The following SCEL variants were observed in gnomAD, a reference collection of about 807,000 sequenced individuals.
The protein encoded by SCEL is sciellin.
In SCEL, 113 loss-of-function variants were observed where a neutral mutation model predicts 117.6. That is an observed-to-expected ratio of 0.96 (90% CI 0.83 to 1.12). The LOEUF is 1.12. Among genes scored for constraint, SCEL ranks in the 50% most tolerant of loss-of-function variants. The pLI is 0.00. For missense variants in SCEL, 785 were observed against 810.8 expected (o/e 0.97, Z 0.39); for synonymous variants, 270 against 256.2 (o/e 1.05, Z -0.51).
intron 4 of SCEL, among the ~76,000 whole-genome samples, chr13:77,560,437 TCAAA>T (rs923259278): frequency 2.0e-5 from 3 of 151,922 alleles, no homozygotes; most frequent in African/African-American, 7.3e-5. Flanking sequence ...ACCCTGTTTC[TCAAA>T]CAAACAAACA....
At position 77,599,690 on chromosome 13, in the gene SCEL, G is replaced by A. The variant is rs2087512111; in HGVS notation, c.859G>A (p.Ala287Thr). Residue 287 changes from alanine (A) to threonine (T), a missense_variant and splice_region_variant, in exon 15 of 33, where the codon GCC (alanine) becomes ACC (threonine). Ala to Thr is a moderately conservative substitution (Grantham distance 58). Coordinates refer to ENST00000349847, the MANE Select transcript of SCEL (RefSeq NM_144777.3). ...NPKVEEREKR[A>T]KSLESLIYMS... ...ATGTGAATTTCTTTGTGTTTTCAGA[G>A]CCAAAAGCCTTGAAAGTCTCATCTA... The A allele has an allele frequency of 6.2e-7, 1 of 1,609,712 alleles. No homozygotes were observed. The highest frequency in any genetic ancestry group is 8.5e-7 in the Non-Finnish European group (1 of 1,176,006).
At chr13:77,610,132 C>A (rs761009482) in intron 22 of SCEL, 26 bp downstream of exon 22, 2 of 1,547,602 alleles carry the variant, frequency 1.3e-6, no homozygotes, top group Admixed American at 1.8e-5. Context: ...CTCTCTATTT[C>A]TCCCCCCTTT....
intron 12 of SCEL, among the ~76,000 whole-genome samples, chr13:77,596,042 C>T (rs1168483215): frequency 2.0e-5 from 3 of 152,106 alleles, no homozygotes; most frequent in Non-Finnish European, 4.4e-5. Flanking sequence ...GTATAGCAAG[C>T]ATTTACTAGG....
In SCEL at chr13:77,633,442, C is replaced by CAAAAAAA. The variant is rs59939208; in HGVS notation, c.1692-919_1692-913dup. Among the ~76,000 whole-genome samples the CAAAAAAA allele has an allele frequency of 1.7e-3, 52 of 30,012 alleles. 4 individuals carry two copies. The highest frequency in any genetic ancestry group is 4.1e-3 in the African/African-American group (42 of 10,264). 19.7% of individuals were successfully genotyped at this position (30,012 alleles called of 152,430 possible). A position where few individuals can be genotyped will look rare whatever the true frequency, so the allele number is the denominator to read the frequency against. On this transcript the variant is annotated intron_variant, in intron 28 of 32. Transcript: ENST00000349847. ...TGGGCGACAGAGCGAGACTCCGCCTCAAAAAAAAAAAAAAAAAAAAAAAAG... is the reference window on the plus strand; with the variant it reads ...TGGGCGACAGAGCGAGACTCCGCCTCAAAAAAAAAAAAAAAAAAAAAAAAAAAAAAAG...
chr13:77,601,990 G>T, intron 15 of SCEL, 75 bp from the exon 16 acceptor site: 1 of 1,146,438 alleles, frequency 8.7e-7, no homozygotes, highest in South Asian at 1.5e-5. Flanking sequence ...TTGTCATTAC[G>T]AGAGTCTGAA....
At position 77,599,551 on chromosome 13, in the gene SCEL, A is replaced by G. The variant is rs992087913; in HGVS notation, c.858-138A>G. 3 of 876,212 alleles carry G rather than the reference A, an allele frequency of 3.4e-6. No individual in the cohort carries two copies. The African/African-American group carries it at 5.0e-5, about 15-fold the overall frequency. 54.3% of individuals were successfully genotyped at this position (876,212 alleles called of 1,614,324 possible). ...ACATTTAGTTCAGACATAATTACCCAGAAGGATTTCTGCTCTTCCATTCAA... is the reference window on the plus strand; with the variant it reads ...ACATTTAGTTCAGACATAATTACCCGGAAGGATTTCTGCTCTTCCATTCAA... On this transcript the variant is annotated intron_variant, in intron 14 of 32. Transcript: ENST00000349847.
chr13:77,632,472 C>T (rs984699958), intron 28 of SCEL, among the ~76,000 whole-genome samples: 2 of 152,086 alleles, frequency 1.3e-5, no homozygotes, highest in African/African-American at 4.8e-5. Flanking sequence ...ATATTAATTC[C>T]ACCTTCTCAT....
At chr13:77,541,757 G>A (rs1234516399) in intron 1 of SCEL, among the ~76,000 whole-genome samples, 1 of 151,860 alleles carries the variant, frequency 6.6e-6, no homozygotes, top group African/African-American at 2.4e-5. Context: ...TTTTATATAT[G>A]CTTTCTTGTA....
chr13:77,554,677 C>T (rs531927143), intron 1 of SCEL, among the ~76,000 whole-genome samples: 6 of 152,232 alleles, frequency 3.9e-5, no homozygotes, highest in South Asian at 2.1e-4. Context: ...ATTTGATCAT[C>T]GCAGCAACTT....
chr13:77,602,376 A>G, intron 16 of SCEL: 1 of 488,306 alleles, frequency 2.0e-6, no homozygotes, highest in Non-Finnish European at 3.6e-6. Flanking sequence ...TAATTAAGAG[A>G]TGAGTCAAAT....
chr13:77,636,488 C>T lies in SCEL; in HGVS notation c.1764-632C>T, dbSNP rs2090283714. Among the ~76,000 whole-genome samples the T allele has an allele frequency of 2.0e-5, 3 of 152,206 alleles. No individual in the cohort carries two copies. The South Asian group carries it at 6.2e-4, about 32-fold the overall frequency. ...ATATTGCTCCTATTCTTAATATATGCCCAGATAGCATAAGTACTTGGAAAG... is the reference window on the plus strand; with the variant it reads ...ATATTGCTCCTATTCTTAATATATGTCCAGATAGCATAAGTACTTGGAAAG... On this transcript the variant is annotated intron_variant, in intron 29 of 32. Transcript: ENST00000349847.
At chr13:77,617,962 C>A (rs781422690) in intron 26 of SCEL, 42 bp from the exon 27 acceptor site, 34 of 1,599,658 alleles carry the variant, frequency 2.1e-5, no homozygotes, top group Non-Finnish European at 2.8e-5. Flanking sequence ...ACCCCAAAAT[C>A]TATTACCAAT....
At chr13:77,584,014 T>C (rs994492669) in intron 9 of SCEL, among the ~76,000 whole-genome samples, 3 of 152,236 alleles carry the variant, frequency 2.0e-5, no homozygotes, top group Non-Finnish European at 2.9e-5. Flanking sequence ...AAGCTCATCA[T>C]GATAGCCACT....
At chr13:77,591,588 T>C (rs1353168127) in intron 11 of SCEL, 128 bp downstream of exon 11, 2 of 602,060 alleles carry the variant, frequency 3.3e-6, no homozygotes, top group East Asian at 3.0e-5. Flanking sequence ...GACTCCAAAA[T>C]ATTAATAAAT....
rs1332959834 is a variant in SCEL at position 77,602,655 on chromosome 13, A to C, written c.979A>C (p.Arg327=). The change falls in exon 17 of 33, where the codon AGA becomes CGA. Residue 327 remains arginine (R), a splice_region_variant and synonymous_variant. Transcript: ENST00000349847. ...NQRTDKNEKG[R]QNLESVAKVN... ...CAAGTTTTGGTGTTTTTTCCAAAGA[A>C]GACAAAATCTCGAATCTGTTGCTAA... 2.3e-5 allele frequency: 37 copies of C among 1,613,526 alleles called. No individual in the cohort carries two copies. Among genetic ancestry groups the C allele is most frequent in the Non-Finnish European group, 3.1e-5 (36 of 1,179,694 alleles).
intron 24 of SCEL, among the ~76,000 whole-genome samples, chr13:77,616,586 T>C (rs932310658): frequency 6.6e-6 from 1 of 151,966 alleles, no homozygotes; most frequent in East Asian, 1.9e-4. Context: ...CCATAGACTA[T>C]GGAGAGGTGA....
Position 77,571,304 on chromosome 13 carries a change from G to A in SCEL, c.480-820G>A, listed in dbSNP as rs186212616. 5.6e-3 allele frequency among the ~76,000 whole-genome samples: 845 copies of A among 150,078 alleles called. 10 individuals carry two copies. The highest frequency in any genetic ancestry group is 0.019 in the African/African-American group (759 of 40,950). On this transcript the variant is annotated intron_variant, in intron 8 of 32. Coordinates refer to ENST00000349847, the MANE Select transcript of SCEL (RefSeq NM_144777.3). ...ACTCGGAGGCTGAGGCAGCAGAATC[G>A]CGGAGGGCGGAGCTTGCAGTGAGCC...
chr13:77,593,295 T>TGCACGCGCGC (rs1555510777), intron 11 of SCEL, among the ~76,000 whole-genome samples: 1 of 136,886 alleles, frequency 7.3e-6, no homozygotes, highest in Non-Finnish European at 1.6e-5. Context: ...TGTGTGTGTG[T>TGCACGCGCGC]GTCTGTGTGT....
In SCEL at chr13:77,634,287, C is replaced by A; in HGVS notation, c.1692-92C>A. On this transcript the variant is annotated intron_variant, in intron 28 of 32. Coordinates refer to ENST00000349847, the MANE Select transcript of SCEL (RefSeq NM_144777.3). ...TTATAGTTCAGAAGGAACATATATT[C>A]ATTACATTTTGCATTGAATTAGAAA... The A allele has an allele frequency of 8.9e-6, 9 of 1,008,294 alleles. No homozygotes were observed. The South Asian group carries it at 1.2e-4, about 14-fold the overall frequency. 62.5% of individuals were successfully genotyped at this position (1,008,294 alleles called of 1,614,324 possible).
Sources: gnomAD v4.1 joint callset for allele counts (sites outside exome capture counted in the v4.1 genomes callset) on GRCh38, gnomAD v4.1.1 for gene constraint, MANE v1.5 for transcripts, NCBI Gene and HGNC (gene_info 2026-07-23, HGNC 2026-07-21) for gene names.